The following SETBP1 variants were observed in gnomAD, a reference collection of about 807,000 sequenced individuals.
SETBP1 encodes SET-binding protein.
SETBP1 carries 9 observed loss-of-function variants against 101.0 expected under a neutral mutation model. The ratio of observed to expected loss-of-function variants is 0.09; its 90% confidence interval spans 0.05 to 0.16. The LOEUF is 0.16. Ranked by LOEUF, SETBP1 falls within the 10% of genes least tolerant of loss-of-function variation. The pLI, the probability that SETBP1 is intolerant of heterozygous loss-of-function variation, is 1.00. For synonymous variants in SETBP1, 818 were observed against 788.5 expected (o/e 1.04, Z -0.63); for missense variants, 1,858 against 2,033.8 (o/e 0.91, Z 1.66).
chr18:44,925,716 G>A (rs906298510), intron 3 of SETBP1, among the ~76,000 whole-genome samples: 5 of 152,206 alleles, frequency 3.3e-5, no homozygotes, highest in African/African-American at 1.2e-4. Flanking sequence ...CAAATCATTA[G>A]AAGAGTTCTC....
intron 2 of SETBP1, among the ~76,000 whole-genome samples, chr18:44,737,566 A>G (rs540895623): frequency 3.9e-5 from 6 of 152,350 alleles, no homozygotes; most frequent in African/African-American, 1.4e-4. Context: ...AATTTAGAAG[A>G]CACAGATTCT....
chr18:44,755,250 G>C (rs1431812922), intron 2 of SETBP1, among the ~76,000 whole-genome samples: 1 of 152,208 alleles, frequency 6.6e-6, no homozygotes, highest in Non-Finnish European at 1.5e-5. Flanking sequence ...TTAATATTAG[G>C]TGTCAACTTG....
chr18:44,779,974 G>A (rs747016946), intron 2 of SETBP1, among the ~76,000 whole-genome samples: 17 of 151,314 alleles, frequency 1.1e-4, no homozygotes, highest in South Asian at 2.1e-4. Flanking sequence ...ACACACACAC[G>A]CATGTGCACA....
rs540831378 is a variant in SETBP1 at position 44,701,337 on chromosome 18, A to G, written c.-10A>G. The stretch of plus-strand genomic sequence containing the variant: ...CCTCCTGAGAACTCCGGAAGACTGT[A>G]GAGATTGTCATGGAGTCCAGGGAAA... On this transcript the variant is annotated 5_prime_UTR_variant, in exon 2 of 6. Transcript: ENST00000649279. 7.4e-6 allele frequency: 11 copies of G among 1,480,756 alleles called. No homozygotes were observed. In the South Asian group the frequency reaches 8.4e-5, roughly 11 times the overall value. 91.7% of individuals were successfully genotyped at this position (1,480,756 alleles called of 1,614,324 possible).
At chr18:44,943,965 G>A (rs2071145504) in intron 3 of SETBP1, among the ~76,000 whole-genome samples, 1 of 151,768 alleles carries the variant, frequency 6.6e-6, no homozygotes, top group Non-Finnish European at 1.5e-5. Context: ...CTCCCGAGTA[G>A]CTGGGATTAC....
At chr18:44,790,692 G>T (rs74646340) in intron 2 of SETBP1, among the ~76,000 whole-genome samples, 4,631 of 152,238 alleles carry the variant, frequency 0.03, 238 homozygotes, top group African/African-American at 0.11. Context: ...AAAATGCCTT[G>T]GTCTGACCCC....
At chr18:44,785,040 T>A (rs1189147247) in intron 2 of SETBP1, among the ~76,000 whole-genome samples, 1 of 152,234 alleles carries the variant, frequency 6.6e-6, no homozygotes, top group East Asian at 1.9e-4. Flanking sequence ...GTACTTTGTA[T>A]ATTGGGAATC....
chr18:44,781,545 G>A (rs947205109), intron 2 of SETBP1, among the ~76,000 whole-genome samples: 5 of 145,232 alleles, frequency 3.4e-5, no homozygotes, highest in African/African-American at 1.3e-4. Context: ...TCAGGGAGAG[G>A]TCCACATCAT....
chr18:44,916,370 C>T (rs904305051), intron 3 of SETBP1, among the ~76,000 whole-genome samples: 9 of 152,164 alleles, frequency 5.9e-5, no homozygotes, highest in African/African-American at 2.2e-4. Flanking sequence ...GGAATGCTGC[C>T]TGATGAAAGG....
At chr18:44,830,845 T>G (rs1333512892) in intron 2 of SETBP1, among the ~76,000 whole-genome samples, 1 of 152,202 alleles carries the variant, frequency 6.6e-6, no homozygotes, top group African/African-American at 2.4e-5. Flanking sequence ...GAATTTGAAT[T>G]GATTCCAAAA....
In SETBP1 at chr18:45,019,791, AT is replaced by A. The variant is rs372462576; in HGVS notation, c.4001-18685del. On this transcript the variant is annotated intron_variant, in intron 4 of 5. Coordinates refer to ENST00000649279, the MANE Select transcript of SETBP1 (RefSeq NM_015559.3). Reference sequence around the variant, plus strand: ...AGAAACAAGCCATTTGTTGACAAGAATTTTTTTTTATACCTTTACCTAAAGG... The same window carrying A: ...AGAAACAAGCCATTTGTTGACAAGAATTTTTTTTATACCTTTACCTAAAGG... Among the ~76,000 whole-genome samples the A allele has an allele frequency of 3.1e-3, 469 of 151,862 alleles. 2 individuals carry two copies. Among genetic ancestry groups the A allele is most frequent in the African/African-American group, 0.011 (443 of 41,430 alleles).
chr18:44,988,154 G>A (rs1308098313), intron 4 of SETBP1: 1 of 152,198 alleles, frequency 6.6e-6, no homozygotes, highest in Non-Finnish European at 1.5e-5. Context: ...CAAATATCAT[G>A]TTTAAAACTT....
intron 3 of SETBP1, chr18:44,871,831 A>T (rs1341171406): frequency 1.3e-5 from 2 of 152,168 alleles, no homozygotes; most frequent in Non-Finnish European, 2.9e-5. Context: ...GTGTTTTAGC[A>T]GGTGGTGATC....
rs376841754 is a variant in SETBP1 at position 44,830,008 on chromosome 18, A to C, written c.487-39222A>C. Among the ~76,000 whole-genome samples the C allele has an allele frequency of 7.9e-5, 12 of 152,354 alleles. No individual in the cohort carries two copies. The South Asian group carries it at 2.5e-3, about 32-fold the overall frequency. ...AGAACACACTATGATATAATGTCAT[A>C]CTTTCCAAATGGTTTACACAGAGGC... is the stretch of plus-strand genomic sequence containing the variant. On this transcript the variant is annotated intron_variant, in intron 2 of 5. Transcript: ENST00000649279.
intron 3 of SETBP1, among the ~76,000 whole-genome samples, chr18:44,935,666 A>G (rs1218110440): frequency 1.3e-5 from 2 of 152,198 alleles, no homozygotes; most frequent in Admixed American, 6.5e-5. Context: ...CCAACCCAGA[A>G]CAATGACTCC....
chr18:44,889,902 C>T (rs370892271), intron 3 of SETBP1, among the ~76,000 whole-genome samples: 3 of 152,244 alleles, frequency 2.0e-5, no homozygotes, highest in Admixed American at 2.0e-4. Flanking sequence ...ATTTTCCCAA[C>T]ATTTAATGAA....
chr18:44,747,383 C>A (rs758809608), intron 2 of SETBP1, among the ~76,000 whole-genome samples: 3 of 152,130 alleles, frequency 2.0e-5, no homozygotes, highest in Non-Finnish European at 4.4e-5. Context: ...GAAAAGGGAA[C>A]TGAAAAGAGC....
At chr18:44,760,889 TAA>T (rs1162451963) in intron 2 of SETBP1, among the ~76,000 whole-genome samples, 1 of 152,236 alleles carries the variant, frequency 6.6e-6, no homozygotes, top group Admixed American at 6.5e-5. Context: ...AAATAAGATT[TAA>T]GTTATGTTTA....
At chr18:44,781,655 A>G (rs900853279) in intron 2 of SETBP1, among the ~76,000 whole-genome samples, 1 of 152,182 alleles carries the variant, frequency 6.6e-6, no homozygotes, top group Non-Finnish European at 1.5e-5. Flanking sequence ...GTAATCCCTC[A>G]TAGATTCCCC....
Sources: gnomAD v4.1 joint callset for allele counts (sites outside exome capture counted in the v4.1 genomes callset) on GRCh38, gnomAD v4.1.1 for gene constraint, MANE v1.5 for transcripts, NCBI Gene and HGNC (gene_info 2026-07-23, HGNC 2026-07-21) for gene names.